CUBN: variants seen among roughly 807,000 people sequenced by gnomAD.
CUBN encodes cubilin, also known as 460 kDa receptor.
In CUBN, 282 loss-of-function variants were observed where a neutral mutation model predicts 405.3. The observed-to-expected ratio is 0.70, with a 90% CI of 0.63 to 0.77. The LOEUF is 0.77. Among genes scored for constraint, CUBN ranks in the 30% least tolerant of loss-of-function variants. The pLI is 0.00. For synonymous variants in CUBN, 1,684 were observed against 1,617.0 expected (o/e 1.04, Z -0.99); for missense variants, 4,514 against 4,475.2 (o/e 1.01, Z -0.25).
intron 17 of CUBN, among the ~76,000 whole-genome samples, chr10:17,080,542 C>A (rs949325202): frequency 9.2e-5 from 14 of 152,202 alleles, no homozygotes; most frequent in Non-Finnish European, 4.4e-5. Context: ...CCCTGCGTCT[C>A]TTGTAGAGCC....
chr10:17,026,469 T>C (rs989748473), intron 27 of CUBN, among the ~76,000 whole-genome samples: 1 of 151,738 alleles, frequency 6.6e-6, no homozygotes, highest in Admixed American at 6.6e-5. Context: ...CTGTCTCTAC[T>C]AAAAATATAA....
intron 27 of CUBN, among the ~76,000 whole-genome samples, chr10:17,036,021 T>TA (rs897159813): frequency 2.7e-4 from 39 of 145,914 alleles, no homozygotes; most frequent in African/African-American, 5.0e-4. Flanking sequence ...AAAGTTAAAT[T>TA]AAAAAAAAAA....
At chr10:16,914,766 C>T (rs147331467) in intron 47 of CUBN, among the ~76,000 whole-genome samples, 32 of 152,094 alleles carry the variant, frequency 2.1e-4, no homozygotes, top group Admixed American at 4.6e-4. Context: ...AAGACAAATT[C>T]TGAGTAACTA....
At chr10:16,916,264 A>C (rs1389611455) in intron 45 of CUBN, among the ~76,000 whole-genome samples, 1 of 152,242 alleles carries the variant, frequency 6.6e-6, no homozygotes, top group African/African-American at 2.4e-5. Context: ...CAATAATGGG[A>C]AACAGAAGAT....
intron 17 of CUBN, among the ~76,000 whole-genome samples, chr10:17,074,763 T>C (rs566096284): frequency 6.6e-6 from 1 of 152,378 alleles, no homozygotes; most frequent in South Asian, 2.1e-4. Context: ...GGTTTTCAGA[T>C]ACTGAAATAA....
At chr10:16,892,170 C>A (rs867276905) in intron 54 of CUBN, among the ~76,000 whole-genome samples, 1 of 152,238 alleles carries the variant, frequency 6.6e-6, no homozygotes, top group Middle Eastern at 3.4e-3. Context: ...CTCTTTAAAG[C>A]CGTATTGTTT....
Position 17,109,630 on chromosome 10 carries a change from G to A in CUBN, c.1111+10C>T, listed in dbSNP as rs766518209. 15 of 1,606,360 alleles carry A rather than the reference G, an allele frequency of 9.3e-6. No individual in the cohort carries two copies. The highest frequency in any genetic ancestry group is 1.3e-5 in the Non-Finnish European group (15 of 1,173,058). ...AATACCCAAAGCCAAAGAGAGAGAT[G>A]AGTCATTACCTAGAGTTGAGGAGCA... On this transcript the variant is annotated intron_variant, in intron 10 of 66. Coordinates refer to ENST00000377833, the MANE Select transcript of CUBN (RefSeq NM_001081.4).
At position 16,980,349 on chromosome 10, in the gene CUBN, C is replaced by T. The variant is rs1246691307; in HGVS notation, c.4695+2135G>A. Among the ~76,000 whole-genome samples, 3 of 152,112 alleles carry T rather than the reference C, an allele frequency of 2.0e-5. No homozygotes were observed. In the East Asian group the frequency reaches 5.8e-4, roughly 29 times the overall value. On this transcript the variant is annotated intron_variant, in intron 31 of 66. Transcript: ENST00000377833. ...AGCAATCCCATTACTGGGTATATAA[C>T]CAAAGGATTATAAATCATTCTACTA...
At chr10:16,942,776 T>C (rs181244345) in intron 36 of CUBN, among the ~76,000 whole-genome samples, 2 of 106,820 alleles carry the variant, frequency 1.9e-5, no homozygotes, top group African/African-American at 8.1e-5. Context: ...GGGGAAAGGG[T>C]AAAGGAAAAA....
intron 15 of CUBN, among the ~76,000 whole-genome samples, chr10:17,086,976 C>T (rs1222317587): frequency 6.6e-6 from 1 of 152,180 alleles, no homozygotes; most frequent in East Asian, 1.9e-4. Flanking sequence ...TTTCTGTCAA[C>T]ATTTAAATGA....
rs1841362567 is a variant in CUBN, at chr10:16,901,406, G to C, written c.8116C>G (p.Pro2706Ala). The change falls in exon 52 of 67, where the codon CCA becomes GCA. Residue 2706 changes from proline (P) to alanine (A), a missense_variant. By Grantham distance (27) the Pro-to-Ala change is conservative. Coordinates refer to ENST00000377833, the MANE Select transcript of CUBN (RefSeq NM_001081.4). ...DSGVITSPNY[P>A]NAYDSLTHCS... ...TGGGTCAGGCTGTCATAAGCATTTG[G>C]ATAGTTGGGGCTTGTGATCACTCCA... is the stretch of plus-strand genomic sequence containing the variant. 1.2e-6 allele frequency: 2 copies of C among 1,614,008 alleles called. No homozygotes were observed. The highest frequency in any genetic ancestry group is 2.7e-5 in the African/African-American group (2 of 74,918).
Position 17,090,884 on chromosome 10 carries a change from A to G in CUBN, c.1766-2539T>C, listed in dbSNP as rs565407952. 9.2e-5 allele frequency among the ~76,000 whole-genome samples: 14 copies of G among 151,618 alleles called. No individual in the cohort carries two copies. The East Asian group carries it at 2.1e-3, about 23-fold the overall frequency. On this transcript the variant is annotated intron_variant, in intron 14 of 66. Transcript: ENST00000377833. ...CAATATTCCAATATAGTGTAAGATC[A>G]CTATGAATATATAGGGTATTTTTTC... is the stretch of plus-strand genomic sequence containing the variant.
At chr10:16,948,977 C>G (rs527574838) in intron 34 of CUBN, among the ~76,000 whole-genome samples, 26 of 152,254 alleles carry the variant, frequency 1.7e-4, no homozygotes, top group Non-Finnish European at 2.8e-4. Flanking sequence ...ATGCTGGAGC[C>G]AGGCTACCTG....
At chr10:17,009,658 C>A (rs1588577149) in intron 28 of CUBN, among the ~76,000 whole-genome samples, 1 of 152,250 alleles carries the variant, frequency 6.6e-6, no homozygotes, top group African/African-American at 2.4e-5. Flanking sequence ...TAGAAATTAG[C>A]AATAGTCAGG....
At chr10:16,854,111 G>A (rs953841148) in intron 59 of CUBN, among the ~76,000 whole-genome samples, 4 of 152,160 alleles carry the variant, frequency 2.6e-5, no homozygotes, top group Non-Finnish European at 4.4e-5. Context: ...ACTGTTCCAA[G>A]GAGGAGGTGA....
chr10:17,045,204 G>A lies in CUBN; in HGVS notation c.3491-16C>T, dbSNP rs765712955. 3.1e-6 allele frequency: 5 copies of A among 1,612,584 alleles called. No individual in the cohort carries two copies. The East Asian group carries it at 8.9e-5, about 29-fold the overall frequency. ...CCCCCGCAACCTACAGGAGAAAGAAGTGGAATGACACACACCCCTTTCCTT... is the reference window on the plus strand; with the variant it reads ...CCCCCGCAACCTACAGGAGAAAGAAATGGAATGACACACACCCCTTTCCTT... On this transcript the variant is annotated splice_polypyrimidine_tract_variant and intron_variant, in intron 24 of 66. Coordinates refer to ENST00000377833, the MANE Select transcript of CUBN (RefSeq NM_001081.4).
At chr10:16,952,219 C>A (rs1842938936) in intron 33 of CUBN, 57 bp downstream of exon 33, 5 of 1,281,252 alleles carry the variant, frequency 3.9e-6, no homozygotes, top group Non-Finnish European at 5.7e-6. Flanking sequence ...ATAGACTGAC[C>A]TTCCCACAGA....
intron 43 of CUBN, among the ~76,000 whole-genome samples, chr10:16,922,255 C>A (rs1588652971): frequency 6.6e-6 from 1 of 152,100 alleles, no homozygotes; most frequent in South Asian, 2.1e-4. Flanking sequence ...ACAACTGCTC[C>A]TAAGGCTCCT....
At position 17,052,367 on chromosome 10, in the gene CUBN, T is replaced by C. The variant is rs79323769; in HGVS notation, c.3140-4764A>G. Among the ~76,000 whole-genome samples, 17 of 152,250 alleles carry C rather than the reference T, an allele frequency of 1.1e-4. No homozygotes were observed. In the East Asian group the frequency reaches 1.4e-3, roughly 12 times the overall value. ...GAAGAACACTGGAAATGATAAATCATTGTATAAATATAAATGATAGGCTTT... is the reference window on the plus strand; with the variant it reads ...GAAGAACACTGGAAATGATAAATCACTGTATAAATATAAATGATAGGCTTT... On this transcript the variant is annotated intron_variant, in intron 22 of 66. Coordinates refer to ENST00000377833, the MANE Select transcript of CUBN (RefSeq NM_001081.4).
Sources: gnomAD v4.1 joint callset for allele counts (sites outside exome capture counted in the v4.1 genomes callset) on GRCh38, gnomAD v4.1.1 for gene constraint, MANE v1.5 for transcripts, NCBI Gene and HGNC (gene_info 2026-07-23, HGNC 2026-07-21) for gene names.